Variants in GGA2 observed in about 807,000 individuals in gnomAD.
GGA2 encodes golgi associated, gamma adaptin ear containing, ARF binding protein 2.
GGA2 carries 48 observed loss-of-function variants against 79.5 expected under a neutral mutation model. The observed-to-expected ratio is 0.60, with a 90% CI of 0.48 to 0.77. The LOEUF (loss-of-function observed/expected upper bound fraction) is 0.77, where lower values mean the gene tolerates loss of function less well. Among genes scored for constraint, GGA2 ranks in the 30% least tolerant of loss-of-function variants. The pLI is 0.00. For missense variants in GGA2, 770 were observed against 774.0 expected (o/e 0.99, Z 0.06); for synonymous variants, 317 against 302.0 (o/e 1.05, Z -0.51).
upstream of GGA2, chr16:23,523,986 CTCTGT>C (rs3071379): frequency 0.73 from 127,227 of 173,334 alleles, 47,030 homozygotes; most frequent in Non-Finnish European, 0.8. Context: ...GAAAATAAAT[CTCTGT>C]TGTTTAAACC....
In GGA2 at chr16:23,483,087, G is replaced by T; in HGVS notation, c.799-83C>A. The T allele has an allele frequency of 4.9e-6, 4 of 813,170 alleles. 1 individual carries two copies. In the South Asian group the frequency reaches 5.6e-5, roughly 11 times the overall value. The allele number at this position is 813,170 out of a possible 1,614,324, so 50.4% of individuals were successfully genotyped here. A position where few individuals can be genotyped will look rare whatever the true frequency, so the allele number is the denominator to read the frequency against. On this transcript the variant is annotated intron_variant, in intron 8 of 16. Transcript: ENST00000309859. Reference sequence around the variant, plus strand: ...CCAGGGCCCCAGGAGCCTTCGATCAGGCAGACGGCAGAGTCTGGGGCTTCA... The same window carrying T: ...CCAGGGCCCCAGGAGCCTTCGATCATGCAGACGGCAGAGTCTGGGGCTTCA...
intron 1 of GGA2, among the ~76,000 whole-genome samples, chr16:23,502,238 C>T (rs1218768377): frequency 6.6e-6 from 1 of 152,178 alleles, no homozygotes; most frequent in African/African-American, 2.4e-5. Context: ...CAGGCCTGCT[C>T]ATCTACTCTT....
intron 2 of GGA2, 173 bp from the exon 3 acceptor site, chr16:23,494,551 C>A: frequency 1.6e-6 from 1 of 620,822 alleles, no homozygotes; most frequent in Non-Finnish European, 2.9e-6. Context: ...CACCTCGCAC[C>A]CACCCTGGTT....
intron 6 of GGA2, among the ~76,000 whole-genome samples, chr16:23,487,116 G>C (rs939307911): frequency 6.6e-6 from 1 of 151,772 alleles, no homozygotes; most frequent in Non-Finnish European, 1.5e-5. Context: ...CAAGTAGCTG[G>C]GACTATAGGC....
At chr16:23,509,057 T>C (rs1251855818) in intron 1 of GGA2, among the ~76,000 whole-genome samples, 1 of 152,140 alleles carries the variant, frequency 6.6e-6, no homozygotes, top group Non-Finnish European at 1.5e-5. Flanking sequence ...TTAGCCGCTC[T>C]CCCTGCCTGA....
chr16:23,483,471 T>C (rs1033417859), intron 8 of GGA2, among the ~76,000 whole-genome samples: 1 of 152,076 alleles, frequency 6.6e-6, no homozygotes, highest in Non-Finnish European at 1.5e-5. Context: ...AATAAAGAAG[T>C]TACGTGGAGG....
chr16:23,483,517 T>C (rs971899579), intron 8 of GGA2, among the ~76,000 whole-genome samples: 1 of 152,102 alleles, frequency 6.6e-6, no homozygotes, highest in Admixed American at 6.5e-5. Context: ...CATAAAAAAC[T>C]GGAATGCAGA....
intron 2 of GGA2, among the ~76,000 whole-genome samples, chr16:23,515,535 T>G (rs1965097867): frequency 6.8e-6 from 1 of 146,724 alleles, no homozygotes; most frequent in African/African-American, 2.6e-5. Context: ...AGGTGGAGGC[T>G]TCAGTGAGCT....
At chr16:23,484,441 C>T (rs536005830) in intron 8 of GGA2, among the ~76,000 whole-genome samples, 170 of 152,090 alleles carry the variant, frequency 1.1e-3, no homozygotes, top group Admixed American at 2.0e-3. Context: ...AAACAAAACT[C>T]CCGCTTCAAA....
At chr16:23,495,832 C>T (rs1964848523) in intron 1 of GGA2, 54 bp from the exon 2 acceptor site, 1 of 1,118,916 alleles carries the variant, frequency 8.9e-7, no homozygotes, top group African/African-American at 1.5e-5. Context: ...AATTTACACC[C>T]CTCCCCATAC....
chr16:23,486,048 T>C lies in GGA2; in HGVS notation c.765A>G (p.Pro255=), dbSNP rs144462006. The change falls in exon 8 of 17, where the codon CCA becomes CCG. Residue 255 remains proline (P), a synonymous_variant. Transcript: ENST00000309859. The part of the protein sequence containing the change: ...LQEMLSMYRR[P]GQAPPDQEAL... ...CCTCCTGGTCGGGCGGGGCCTGCCC[T>C]GGCCTGCGGTACATGCTCAGCATCT... is the stretch of plus-strand genomic sequence containing the variant. 81 of 1,614,168 alleles carry C rather than the reference T, an allele frequency of 5.0e-5. No homozygotes were observed. The African/African-American group carries it at 1.0e-3, about 21-fold the overall frequency.
chr16:23,510,473 G>A lies in GGA2; in HGVS notation c.-62C>T, dbSNP rs1412984653. On this transcript the variant is annotated 5_prime_UTR_variant, in exon 1 of 17. Transcript: ENST00000309859. ...GCCTCTTCAGCCGCTGTAGCGTCCT[G>A]GCGCTCTCCTCTGCTGACTGCGCGG... 4.9e-6 allele frequency: 3 copies of A among 608,550 alleles called. No individual in the cohort carries two copies. Among genetic ancestry groups the A allele is most frequent in the East Asian group, 7.1e-5 (2 of 28,116 alleles). 37.7% of individuals were successfully genotyped at this position (608,550 alleles called of 1,614,324 possible).
chr16:23,499,017 G>A (rs1427197156), intron 1 of GGA2, among the ~76,000 whole-genome samples: 2 of 152,214 alleles, frequency 1.3e-5, no homozygotes, highest in South Asian at 2.1e-4. Context: ...GAGAACAGGG[G>A]GAGGCAGGGA....
At position 23,485,872 on chromosome 16, in the gene GGA2, A is replaced by G. The variant is rs531483815; in HGVS notation, c.798+143T>C. On this transcript the variant is annotated intron_variant, in intron 8 of 16. Transcript: ENST00000309859. ...AGCAAGGGACAGACAAAGGGAGGAC[A>G]AAGCAGCACAACGACATTTGGGGAG... The G allele has an allele frequency of 2.8e-5, 21 of 752,510 alleles. No individual in the cohort carries two copies. The African/African-American group carries it at 3.5e-4, about 13-fold the overall frequency. The allele number at this position is 752,510 out of a possible 1,614,324, so 46.6% of individuals were successfully genotyped here.
intron 13 of GGA2, among the ~76,000 whole-genome samples, chr16:23,477,662 G>A (rs1051628186): frequency 3.3e-5 from 5 of 152,094 alleles, no homozygotes; most frequent in Admixed American, 1.3e-4. Flanking sequence ...CAAAAGAATC[G>A]CTTGAACCTG....
chr16:23,515,291 C>T (rs1965096836), upstream of GGA2, among the ~76,000 whole-genome samples: 1 of 151,234 alleles, frequency 6.6e-6, no homozygotes, highest in Non-Finnish European at 1.5e-5. Flanking sequence ...ACAACCATCT[C>T]TACAAAACCA....
intron 1 of GGA2, among the ~76,000 whole-genome samples, chr16:23,505,019 G>A (rs926030645): frequency 4.6e-5 from 7 of 152,164 alleles, no homozygotes; most frequent in African/African-American, 1.4e-4. Flanking sequence ...ACCAGCAGCC[G>A]CCTGTGCTAG....
chr16:23,484,028 C>A (rs1221457785), intron 8 of GGA2, among the ~76,000 whole-genome samples: 1 of 150,436 alleles, frequency 6.6e-6, no homozygotes, highest in Non-Finnish European at 1.5e-5. Flanking sequence ...GTGGCTCATG[C>A]CTGTAATCCC....
chr16:23,473,425 C>A (rs1266655301), intron 14 of GGA2, among the ~76,000 whole-genome samples: 1 of 135,284 alleles, frequency 7.4e-6, no homozygotes, highest in African/African-American at 2.7e-5. Flanking sequence ...CAACTTCTGC[C>A]ATCTGGGTTC....
Sources: gnomAD v4.1 joint callset for allele counts (sites outside exome capture counted in the v4.1 genomes callset) on GRCh38, gnomAD v4.1.1 for gene constraint, MANE v1.5 for transcripts, NCBI Gene and HGNC (gene_info 2026-07-23, HGNC 2026-07-21) for gene names.